The following PRKCZ variants were observed in gnomAD, a reference collection of about 807,000 sequenced individuals.
PRKCZ encodes protein kinase C zeta type.
A neutral mutation model predicts 79.5 loss-of-function variants in PRKCZ; 33 were observed. The observed-to-expected ratio is 0.41, with a 90% CI of 0.31 to 0.55. The LOEUF is 0.55. Ranked by LOEUF, PRKCZ falls within the 20% of genes least tolerant of loss-of-function variation. The pLI is 0.19. For synonymous variants in PRKCZ, 342 were observed against 320.9 expected (o/e 1.07, Z -0.70); for missense variants, 578 against 813.5 (o/e 0.71, Z 3.52).
intron 1 of PRKCZ, 103 bp downstream of exon 1, chr1:2,050,804 G>A (rs1659568179): frequency 2.6e-6 from 2 of 778,940 alleles, no homozygotes; most frequent in Non-Finnish European, 3.5e-6. Flanking sequence ...GGAAGGGGCG[G>A]CGAGGTCGCT....
intron 4 of PRKCZ, among the ~76,000 whole-genome samples, chr1:2,110,240 C>T (rs1042858816): frequency 2.6e-5 from 4 of 151,436 alleles, no homozygotes; most frequent in Non-Finnish European, 4.4e-5. Context: ...CAGCCAAGGA[C>T]CTAAAACCAA....
At chr1:2,105,397 T>A (rs1323024908) in intron 4 of PRKCZ, among the ~76,000 whole-genome samples, 1 of 152,206 alleles carries the variant, frequency 6.6e-6, no homozygotes, top group East Asian at 1.9e-4. Flanking sequence ...AGGGTCACGT[T>A]AGGCCTTATT....
intron 11 of PRKCZ, 60 bp downstream of exon 11, chr1:2,169,664 T>C (rs1465542851): frequency 7.5e-6 from 7 of 935,070 alleles, no homozygotes; most frequent in South Asian, 2.0e-5. Flanking sequence ...GGTGGGTGCG[T>C]GCGGTGTTGG....
chr1:2,068,072 TCTG>T (rs548942030), intron 4 of PRKCZ, among the ~76,000 whole-genome samples: 87 of 152,268 alleles, frequency 5.7e-4, no homozygotes, highest in Non-Finnish European at 1.0e-3. Context: ...CTGAGCCACA[TCTG>T]CTGTGAGAGG....
chr1:2,184,897 TC>T (rs767095736), intron 17 of PRKCZ, 24 bp from the exon 18 acceptor site: 12 of 1,588,196 alleles, frequency 7.6e-6, no homozygotes, highest in East Asian at 2.2e-5. Context: ...GTCACCCCCC[TC>T]CCCCCTGCCA....
At chr1:2,175,625 T>A (rs1572015117) in intron 16 of PRKCZ, among the ~76,000 whole-genome samples, 1 of 146,066 alleles carries the variant, frequency 6.8e-6, no homozygotes, top group Non-Finnish European at 1.5e-5. Flanking sequence ...GTGGGCCGGG[T>A]GGGCTGTGTG....
intron 4 of PRKCZ, among the ~76,000 whole-genome samples, chr1:2,108,962 G>GC (rs1292932341): frequency 6.6e-6 from 1 of 152,108 alleles, no homozygotes; most frequent in Non-Finnish European, 1.5e-5. Flanking sequence ...GTCTGAAGCC[G>GC]CCTGCCCCTT....
intron 4 of PRKCZ, among the ~76,000 whole-genome samples, chr1:2,081,449 C>T (rs999061212): frequency 1.3e-4 from 20 of 152,072 alleles, no homozygotes; most frequent in African/African-American, 4.8e-4. Flanking sequence ...GGGTCTCGGG[C>T]GAGTCTGGGC....
chr1:2,116,722 T>C (rs1258421843), intron 4 of PRKCZ, among the ~76,000 whole-genome samples: 2 of 152,172 alleles, frequency 1.3e-5, no homozygotes, highest in Non-Finnish European at 2.9e-5. Flanking sequence ...GAGTCTCCAA[T>C]TTGGGGTTTT....
chr1:2,126,257 A>C (rs1673866840), intron 4 of PRKCZ, among the ~76,000 whole-genome samples: 1 of 152,098 alleles, frequency 6.6e-6, no homozygotes, highest in East Asian at 1.9e-4. Context: ...TTAAATTTTC[A>C]GCTCAAAAAC....
intron 4 of PRKCZ, among the ~76,000 whole-genome samples, chr1:2,098,720 C>T (rs553735176): frequency 6.6e-6 from 1 of 152,118 alleles, no homozygotes; most frequent in Non-Finnish European, 1.5e-5. Flanking sequence ...CTCGCTCTGT[C>T]GCCCAGGCTG....
chr1:2,073,546 G>A (rs764245275), intron 4 of PRKCZ: 7 of 865,422 alleles, frequency 8.1e-6, no homozygotes, highest in Non-Finnish European at 9.7e-6. Flanking sequence ...TCCGAGCCCT[G>A]CCTGGGTCTG....
chr1:2,104,599 G>A, intron 4 of PRKCZ: 1 of 810,320 alleles, frequency 1.2e-6, no homozygotes, highest in Non-Finnish European at 1.5e-6. Flanking sequence ...GGTGGCAGGG[G>A]ATGGCCGCGA....
In PRKCZ at chr1:2,128,676, G is replaced by A. The variant is rs998418952; in HGVS notation, c.335-6586G>A. ...TGGCACCCAGGGAGGTGGCAGGATG[G>A]GTCCCCAATGGGCACGTGACATCGA... On this transcript the variant is annotated intron_variant, in intron 4 of 17. Transcript: ENST00000378567. The surrounding 1 kb of genome is among the most constrained non-coding windows in gnomAD (Gnocchi z 6.5). Among the ~76,000 whole-genome samples, 2 of 152,110 alleles carry A rather than the reference G, an allele frequency of 1.3e-5. No homozygotes were observed. Among genetic ancestry groups the A allele is most frequent in the Non-Finnish European group, 2.9e-5 (2 of 68,038 alleles).
At chr1:2,076,313 G>C (rs959070549) in intron 4 of PRKCZ, among the ~76,000 whole-genome samples, 2 of 152,234 alleles carry the variant, frequency 1.3e-5, no homozygotes, top group African/African-American at 2.4e-5. Context: ...GAAGTGGAAC[G>C]TGCGGCCACT....
At chr1:2,155,787 CA>C (rs1292243667) in intron 9 of PRKCZ, among the ~76,000 whole-genome samples, 4 of 149,544 alleles carry the variant, frequency 2.7e-5, no homozygotes, top group Admixed American at 2.0e-4. Context: ...ATGACAGTGA[CA>C]ATGATGATGA....
chr1:2,085,925 CG>C (rs1316011089), intron 4 of PRKCZ, among the ~76,000 whole-genome samples: 2 of 152,182 alleles, frequency 1.3e-5, no homozygotes, highest in Admixed American at 6.5e-5. Flanking sequence ...CTCTTTCTCT[CG>C]CTCCCTTCTC....
chr1:2,128,097 C>CT lies in PRKCZ; in HGVS notation c.335-7164dup, dbSNP rs1674298507. ...CTAGAGGTGGCAGCACCCATTTTAC[C>CT]TGCACCCTCAGTGACAGCTGCACCC... On this transcript the variant is annotated intron_variant, in intron 4 of 17. Coordinates refer to ENST00000378567, the MANE Select transcript of PRKCZ (RefSeq NM_002744.6). The surrounding 1 kb of genome is among the most constrained non-coding windows in gnomAD (Gnocchi z 6.5). Among the ~76,000 whole-genome samples the CT allele has an allele frequency of 6.6e-6, 1 of 152,230 alleles. No homozygotes were observed. Among genetic ancestry groups the CT allele is most frequent in the African/African-American group, 2.4e-5 (1 of 41,458 alleles).
chr1:2,069,763 A>T (rs1391432840), intron 4 of PRKCZ, among the ~76,000 whole-genome samples: 1 of 152,010 alleles, frequency 6.6e-6, no homozygotes, highest in Admixed American at 6.6e-5. Flanking sequence ...CATCATGTGG[A>T]GGGAGGGGTG....
Sources: gnomAD v4.1 joint callset for allele counts (sites outside exome capture counted in the v4.1 genomes callset) on GRCh38, gnomAD v4.1.1 for gene constraint, Gnocchi (gnomAD v3.1) non-coding constraint, MANE v1.5 for transcripts, NCBI Gene and HGNC (gene_info 2026-07-23, HGNC 2026-07-21) for gene names.